GFM2: variants seen among roughly 807,000 people sequenced by gnomAD.
GFM2 encodes ribosome-releasing factor 2, mitochondrial.
Under a neutral mutation model 95.4 loss-of-function variants are expected in GFM2, and 72 were observed. The observed-to-expected ratio is 0.76, with a 90% confidence interval of 0.62 to 0.92. The LOEUF is 0.92. GFM2 is among the 40% of genes least tolerant of loss of function. The pLI is 0.00. For synonymous variants in GFM2, 276 were observed against 317.5 expected (o/e 0.87, Z 1.39); for missense variants, 825 against 924.1 (o/e 0.89, Z 1.39).
At chr5:74,760,406 G>A (rs1744218279) in intron 3 of GFM2, among the ~76,000 whole-genome samples, 1 of 152,118 alleles carries the variant, frequency 6.6e-6, no homozygotes, top group South Asian at 2.1e-4. Context: ...CCATACACTT[G>A]CTTGTTTCAA....
chr5:74,738,006 A>G (rs1406425114), intron 14 of GFM2, among the ~76,000 whole-genome samples: 2 of 152,152 alleles, frequency 1.3e-5, no homozygotes, highest in Admixed American at 6.5e-5. Context: ...CCCAATGGGA[A>G]CAAAACAATA....
intron 10 of GFM2, among the ~76,000 whole-genome samples, chr5:74,744,279 T>C (rs573799181): frequency 2.0e-5 from 3 of 152,170 alleles, no homozygotes; most frequent in African/African-American, 7.2e-5. Context: ...AGGAAAAATA[T>C]AGTATTATAA....
intron 1 of GFM2, among the ~76,000 whole-genome samples, chr5:74,765,814 T>A (rs1744554893): frequency 6.7e-6 from 1 of 148,776 alleles, no homozygotes; most frequent in Non-Finnish European, 1.5e-5. Flanking sequence ...CCGACCAACA[T>A]GGTGAAACCC....
intron 19 of GFM2, 32 bp downstream of exon 19, chr5:74,725,608 T>C (rs539589691): frequency 6.9e-7 from 1 of 1,447,784 alleles, no homozygotes; most frequent in East Asian, 2.3e-5. Context: ...AAGAGTCACC[T>C]TAAAGCCATA....
intron 5 of GFM2, among the ~76,000 whole-genome samples, chr5:74,756,336 A>G (rs1743980466): frequency 6.6e-6 from 1 of 152,166 alleles, no homozygotes. Context: ...GCACAATGCA[A>G]TACCACCTTA....
At chr5:74,745,574 CAGG>C (rs1265739987) in intron 10 of GFM2, 101 bp downstream of exon 10, 1 of 889,868 alleles carries the variant, frequency 1.1e-6, no homozygotes, top group Admixed American at 2.9e-5. Flanking sequence ...TTGGTATCCA[CAGG>C]AGGTCCTGCA....
chr5:74,754,059 T>A (rs1348378949), intron 5 of GFM2, among the ~76,000 whole-genome samples: 1 of 152,200 alleles, frequency 6.6e-6, no homozygotes, highest in Non-Finnish European at 1.5e-5. Flanking sequence ...GGTCCTACTT[T>A]AGCCTCCTTA....
chr5:74,746,222 G>A lies in GFM2; in HGVS notation c.609-57C>T, dbSNP rs578244559. The A allele has an allele frequency of 8.0e-5, 77 of 963,408 alleles. No individual in the cohort carries two copies. The African/African-American group carries it at 8.6e-4, about 11-fold the overall frequency. 59.7% of individuals were successfully genotyped at this position (963,408 alleles called of 1,614,324 possible). A position where few individuals can be genotyped will look rare whatever the true frequency, so the allele number is the denominator to read the frequency against. The stretch of plus-strand genomic sequence containing the variant: ...CATGGTTAAAAATTCTTTACCAAAG[G>A]TATCAAGAGAGGAAAAAAAACTCTT... On this transcript the variant is annotated intron_variant, in intron 8 of 20. Coordinates refer to ENST00000296805, the MANE Select transcript of GFM2 (RefSeq NM_032380.5).
intron 12 of GFM2, 95 bp downstream of exon 12, chr5:74,739,894 T>A (rs1743026710): frequency 1.1e-6 from 1 of 900,946 alleles, no homozygotes; most frequent in Admixed American, 3.1e-5. Context: ...ACCACTATTA[T>A]TCAAAAATGG....
At chr5:74,734,018 G>A (rs773279612) in intron 15 of GFM2, among the ~76,000 whole-genome samples, 65 of 152,212 alleles carry the variant, frequency 4.3e-4, no homozygotes, top group Non-Finnish European at 7.2e-4. Context: ...CAGACAAAGT[G>A]TAGCTAAAGA....
intron 3 of GFM2, among the ~76,000 whole-genome samples, chr5:74,760,386 A>G (rs1048981513): frequency 1.3e-5 from 2 of 152,168 alleles, no homozygotes. Flanking sequence ...AACTAGTTTC[A>G]TAGAGTCTAC....
intron 13 of GFM2, 35 bp downstream of exon 13, chr5:74,738,467 T>C: frequency 6.2e-7 from 1 of 1,610,768 alleles, no homozygotes; most frequent in Non-Finnish European, 8.5e-7. Context: ...AAGAAGTGCA[T>C]ACAGTTTTAT....
intron 11 of GFM2, among the ~76,000 whole-genome samples, chr5:74,740,803 T>C (rs917403459): frequency 2.6e-5 from 4 of 152,208 alleles, no homozygotes; most frequent in South Asian, 2.1e-4. Context: ...TTCTAACTTA[T>C]GAGTGGCTCA....
chr5:74,733,335 G>GAA (rs59571482), intron 15 of GFM2: 726 of 195,066 alleles, frequency 3.7e-3, no homozygotes, highest in South Asian at 8.7e-3. Context: ...TACAAAAAAA[G>GAA]AAAAAAAAAA....
At chr5:74,756,473 T>C (rs957624173) in intron 5 of GFM2, among the ~76,000 whole-genome samples, 1 of 152,196 alleles carries the variant, frequency 6.6e-6, no homozygotes, top group African/African-American at 2.4e-5. Flanking sequence ...TTTTTGCGAA[T>C]TGTGATGTTA....
chr5:74,725,155 T>C (rs1021664464), intron 19 of GFM2: 2 of 153,112 alleles, frequency 1.3e-5, no homozygotes, highest in Admixed American at 1.3e-4. Context: ...GCCATGCTAA[T>C]CTTCTCTGTA....
At chr5:74,743,543 G>A (rs1168867411) in intron 10 of GFM2, among the ~76,000 whole-genome samples, 1 of 152,086 alleles carries the variant, frequency 6.6e-6, no homozygotes, top group Non-Finnish European at 1.5e-5. Flanking sequence ...TTCTTTCTGA[G>A]ATTTCTGTCA....
intron 2 of GFM2, among the ~76,000 whole-genome samples, chr5:74,762,970 T>C (rs1435904541): frequency 1.3e-5 from 2 of 152,220 alleles, no homozygotes; most frequent in Non-Finnish European, 2.9e-5. Flanking sequence ...GGGGAAACTA[T>C]TGTACTCCCT....
chr5:74,722,760 A>C, intron 19 of GFM2, 199 bp from the exon 20 acceptor site: 1 of 458,378 alleles, frequency 2.2e-6, no homozygotes, highest in South Asian at 3.5e-5. Flanking sequence ...GTATGGTATG[A>C]TGCAAGGGGA....
Sources: allele counts gnomAD v4.1 joint callset (sites outside exome capture counted in the v4.1 genomes callset), GRCh38; gene constraint gnomAD v4.1.1; transcripts MANE v1.5; gene names NCBI Gene and HGNC (gene_info 2026-07-23, HGNC 2026-07-21).